Variants in COMMD1 observed in about 807,000 individuals in gnomAD.
COMMD1 encodes the protein copper metabolism domain containing 1, also known as COMM domain-containing protein 1.
COMMD1 carries 10 observed loss-of-function variants against 17.2 expected under a neutral mutation model. The observed-to-expected ratio is 0.58, with a 90% CI of 0.36 to 0.99. COMMD1 has a LOEUF of 0.99. COMMD1 is among the 50% of genes least tolerant of loss of function. The probability of loss-of-function intolerance (pLI) is 0.01; values close to 1 mark genes in which losing one functional copy is unlikely to be tolerated. For synonymous variants in COMMD1, 97 were observed against 91.6 expected, an observed-to-expected ratio of 1.06 and a Z score of -0.34; for missense variants, 270 against 231.8, an observed-to-expected ratio of 1.17 and a Z score of -1.07.
intron 2 of COMMD1, among the ~76,000 whole-genome samples, chr2:62,058,537 G>C (rs1331605834): frequency 6.6e-6 from 1 of 152,024 alleles, no homozygotes; most frequent in African/African-American, 2.4e-5. Context: ...GCACTGGGAG[G>C]CTGAGGTGGG....
At chr2:61,921,454 G>GT (rs1332744951) in intron 1 of COMMD1, among the ~76,000 whole-genome samples, 2 of 151,438 alleles carry the variant, frequency 1.3e-5, no homozygotes, top group South Asian at 2.1e-4. Flanking sequence ...TTTTGTTTTT[G>GT]TTTTTTTGAG....
chr2:62,021,003 C>CAA (rs754379532), intron 2 of COMMD1, among the ~76,000 whole-genome samples: 60 of 100,972 alleles, frequency 5.9e-4, no homozygotes, highest in African/African-American at 1.7e-3. Flanking sequence ...AAGTCCGTCT[C>CAA]AAAAAAAAAA....
chr2:62,011,277 G>T (rs776368133), intron 2 of COMMD1, among the ~76,000 whole-genome samples: 2 of 152,222 alleles, frequency 1.3e-5, no homozygotes, highest in Admixed American at 1.3e-4. Flanking sequence ...ATTTTGGCTG[G>T]TGTACATGTC....
chr2:62,092,662 C>A (rs1228252881), intron 2 of COMMD1, among the ~76,000 whole-genome samples: 1 of 152,114 alleles, frequency 6.6e-6, no homozygotes, highest in African/African-American at 2.4e-5. Flanking sequence ...GGGTCGTCAG[C>A]CCCCGGGAGC....
At chr2:62,027,627 TTA>T (rs1226151681) in intron 2 of COMMD1, among the ~76,000 whole-genome samples, 1 of 21,000 alleles carries the variant, frequency 4.8e-5, no homozygotes, top group Non-Finnish European at 1.4e-4. Context: ...TTAATTTATG[TTA>T]TGTTATGTTA....
rs1258412937 is a variant in COMMD1 at position 61,950,210 on chromosome 2, G to A, written c.180+44352G>A. ...ACAGGTAATATGTTTATTTTCACTG[G>A]CTGGGTCATAGGTCCTGGGATTTCA... is the stretch of plus-strand genomic sequence containing the variant. On this transcript the variant is annotated intron_variant, in intron 1 of 2. Coordinates refer to ENST00000311832, the MANE Select transcript of COMMD1 (RefSeq NM_152516.4). 2.6e-5 allele frequency among the ~76,000 whole-genome samples: 4 copies of A among 152,142 alleles called. No individual in the cohort carries two copies. The East Asian group carries it at 5.8e-4, about 22-fold the overall frequency.
intron 2 of COMMD1, among the ~76,000 whole-genome samples, chr2:62,026,903 T>C (rs1436583293): frequency 6.6e-6 from 1 of 152,256 alleles, no homozygotes; most frequent in Non-Finnish European, 1.5e-5. Context: ...CCAAAGCTTA[T>C]CTAATATCAT....
intron 1 of COMMD1, among the ~76,000 whole-genome samples, chr2:61,990,915 C>T (rs1484103071): frequency 4.0e-5 from 6 of 149,308 alleles, no homozygotes; most frequent in African/African-American, 7.4e-5. Context: ...CACACACACA[C>T]ACACACACAC....
intron 2 of COMMD1, among the ~76,000 whole-genome samples, chr2:62,059,937 G>A (rs1670811312): frequency 6.8e-6 from 1 of 147,452 alleles, no homozygotes; most frequent in African/African-American, 2.5e-5. Context: ...ACAGCTTAAT[G>A]AATTTTGGGG....
chr2:61,951,037 G>A lies in COMMD1; in HGVS notation c.180+45179G>A, dbSNP rs911574381. ...TCAATTGGAAGGTGTAGATGGTTCT[G>A]TTGGCCTTTTTGCTGCCAATGGCAA... On this transcript the variant is annotated intron_variant, in intron 1 of 2. Transcript: ENST00000311832. Among the ~76,000 whole-genome samples the A allele has an allele frequency of 1.3e-4, 20 of 152,184 alleles. 1 individual carries two copies. The highest frequency in any genetic ancestry group is 1.3e-3 in the Admixed American group (20 of 15,274).
At chr2:62,007,119 G>GTT (rs1171436209) in intron 2 of COMMD1, among the ~76,000 whole-genome samples, 1 of 152,060 alleles carries the variant, frequency 6.6e-6, no homozygotes, top group Non-Finnish European at 1.5e-5. Flanking sequence ...TTTCTTTGTT[G>GTT]TTTTTTAATT....
At chr2:62,033,826 GA>G (rs1450235252) in intron 2 of COMMD1, among the ~76,000 whole-genome samples, 2 of 151,934 alleles carry the variant, frequency 1.3e-5, no homozygotes, top group African/African-American at 4.8e-5. Flanking sequence ...TATATCAAAA[GA>G]GGCTGGACAC....
At chr2:61,910,844 G>T (rs1669886263) in intron 1 of COMMD1, among the ~76,000 whole-genome samples, 1 of 152,138 alleles carries the variant, frequency 6.6e-6, no homozygotes, top group South Asian at 2.1e-4. Context: ...AGCACTTTGG[G>T]AGGCCGGGTC....
Position 61,938,256 on chromosome 2 carries a change from TC to T in COMMD1, c.180+32400del, listed in dbSNP as rs201598986. On this transcript the variant is annotated intron_variant, in intron 1 of 2. Transcript: ENST00000311832. ...CTGCAGGCCCCACGGAGGAGCAGCT[TC>T]CTGGGCATGCGTATTAAGAGACCAA... is the stretch of plus-strand genomic sequence containing the variant. 2.8e-4 allele frequency among the ~76,000 whole-genome samples: 42 copies of T among 150,790 alleles called. No individual in the cohort carries two copies. In the East Asian group the frequency reaches 7.0e-3, roughly 25 times the overall value.
chr2:61,940,435 G>A (rs1416594868), intron 1 of COMMD1, among the ~76,000 whole-genome samples: 1 of 152,066 alleles, frequency 6.6e-6, no homozygotes, highest in Non-Finnish European at 1.5e-5. Context: ...ATGGTTTTAT[G>A]TTCTGGTCCC....
At chr2:61,914,654 A>G (rs1478811186) in intron 1 of COMMD1, among the ~76,000 whole-genome samples, 1 of 152,134 alleles carries the variant, frequency 6.6e-6, no homozygotes, top group Non-Finnish European at 1.5e-5. Flanking sequence ...GAGGTGGCTC[A>G]TGCCTGTATT....
At chr2:61,927,386 AT>A (rs1670354332) in intron 1 of COMMD1, among the ~76,000 whole-genome samples, 1 of 151,914 alleles carries the variant, frequency 6.6e-6, no homozygotes, top group South Asian at 2.1e-4. Flanking sequence ...GGGTGACTCC[AT>A]TTTTTGTTTG....
intron 1 of COMMD1, among the ~76,000 whole-genome samples, chr2:61,977,171 C>A (rs1671823722): frequency 6.9e-6 from 1 of 145,030 alleles, no homozygotes; most frequent in Non-Finnish European, 1.5e-5. Flanking sequence ...GTGGGAGGGT[C>A]TTCTGGAACT....
At chr2:62,024,870 A>C (rs1297154500) in intron 2 of COMMD1, among the ~76,000 whole-genome samples, 1 of 152,234 alleles carries the variant, frequency 6.6e-6, no homozygotes, top group African/African-American at 2.4e-5. Flanking sequence ...TAATGCTATT[A>C]TAAGTTCTGT....
Sources: allele counts gnomAD v4.1 joint callset (sites outside exome capture counted in the v4.1 genomes callset), GRCh38; gene constraint gnomAD v4.1.1; transcripts MANE v1.5; gene names NCBI Gene and HGNC (gene_info 2026-07-23, HGNC 2026-07-21).